GPC1: variants seen among roughly 807,000 people sequenced by gnomAD.
GPC1 encodes glypican 1, also known as glypican-1.
A neutral mutation model predicts 51.5 loss-of-function variants in GPC1; 26 were observed. The observed-to-expected ratio is 0.50, with a 90% confidence interval of 0.37 to 0.70. GPC1 has a LOEUF of 0.70. Ranked by LOEUF, GPC1 falls within the 30% of genes least tolerant of loss-of-function variation. GPC1 has a pLI of 0.00. For missense variants in GPC1, 775 were observed against 800.5 expected, an observed-to-expected ratio of 0.97 and a Z score of 0.38; for synonymous variants, 380 against 348.3, an observed-to-expected ratio of 1.09 and a Z score of -1.01.
At chr2:240,460,232 G>A (rs1490173490) in intron 2 of GPC1, among the ~76,000 whole-genome samples, 1 of 152,096 alleles carries the variant, frequency 6.6e-6, no homozygotes, top group Non-Finnish European at 1.5e-5. Context: ...CTTGGACATC[G>A]ATGCTCAGAG....
intron 2 of GPC1, among the ~76,000 whole-genome samples, chr2:240,459,450 G>C (rs1238562381): frequency 6.6e-6 from 1 of 152,200 alleles, no homozygotes; most frequent in Non-Finnish European, 1.5e-5. Flanking sequence ...GGGACAGAGG[G>C]CCTATCCCAT....
chr2:240,456,007 G>A (rs2074157484), intron 1 of GPC1: 1 of 430,676 alleles, frequency 2.3e-6, no homozygotes. Flanking sequence ...CCAGGCCGGC[G>A]CCCGAGCTCT....
intron 2 of GPC1, 150 bp from the exon 3 acceptor site, chr2:240,462,040 AG>A (rs1218691041): frequency 2.2e-5 from 17 of 757,798 alleles, no homozygotes; most frequent in Non-Finnish European, 3.2e-5. Flanking sequence ...GGATGCCCAC[AG>A]GGCCCACAGC....
intron 1 of GPC1, chr2:240,449,416 AG>A (rs1367408589): frequency 1.3e-5 from 2 of 155,272 alleles, no homozygotes. Flanking sequence ...ATCATTTTGT[AG>A]TGCAGTGTGT....
intron 1 of GPC1, chr2:240,449,859 A>T (rs755345052): frequency 4.3e-6 from 2 of 470,576 alleles, no homozygotes; most frequent in Non-Finnish European, 8.8e-6. Flanking sequence ...AGGTTCCTCC[A>T]CGCCGGAGCA....
chr2:240,442,183 G>A (rs1414998241), intron 1 of GPC1: 1 of 152,580 alleles, frequency 6.6e-6, no homozygotes, highest in Admixed American at 6.5e-5. Flanking sequence ...TTTCCCCACA[G>A]CTTGACTTCC....
chr2:240,466,382 CTGGGG>C lies in GPC1; in HGVS notation c.*97_*101del. 1.3e-6 allele frequency: 1 copy of C among 766,378 alleles called. No homozygotes were observed. 47.5% of individuals were successfully genotyped at this position (766,378 alleles called of 1,614,324 possible). A position where few individuals can be genotyped will look rare whatever the true frequency, so the allele number is the denominator to read the frequency against. Reference sequence around the variant, plus strand: ...TTAATTCACCTCAGCCTGGAGAGGCCTGGGGTGGGACAGGGAGGGCCGGCGGCTCT... The same window carrying C: ...TTAATTCACCTCAGCCTGGAGAGGCCTGGGACAGGGAGGGCCGGCGGCTCT... On this transcript the variant is annotated 3_prime_UTR_variant, in exon 9 of 9. Transcript: ENST00000264039.
chr2:240,439,002 C>T (rs989873098), intron 1 of GPC1, among the ~76,000 whole-genome samples: 26 of 152,326 alleles, frequency 1.7e-4, no homozygotes, highest in African/African-American at 5.8e-4. Flanking sequence ...GAATCACTGC[C>T]CGCGTGCCAG....
chr2:240,446,414 A>G (rs569635537), intron 1 of GPC1, among the ~76,000 whole-genome samples: 2 of 152,370 alleles, frequency 1.3e-5, no homozygotes, highest in East Asian at 1.9e-4. Flanking sequence ...GGATCCACAC[A>G]AGCTGTGCCT....
At chr2:240,440,033 TCCC>T (rs2074008142) in intron 1 of GPC1, among the ~76,000 whole-genome samples, 1 of 152,112 alleles carries the variant, frequency 6.6e-6, no homozygotes, top group Non-Finnish European at 1.5e-5. Flanking sequence ...ATCCCCGGTG[TCCC>T]CGGGCCTTTT....
Position 240,453,300 on chromosome 2 carries a change from C to CCCGCCCCCGCCCT in GPC1, c.167-5723_167-5722insCGCCCTCCGCCCC, listed in dbSNP as rs1325813912. ...CCCTCCCGGGCCGCATCCCGGCGTC[C>CCCGCCCCCGCCCT]CCGCCCCGCTCCCACCGCCCGCCCC... On this transcript the variant is annotated intron_variant, in intron 1 of 8. Coordinates refer to ENST00000264039, the MANE Select transcript of GPC1 (RefSeq NM_002081.3). Among the ~76,000 whole-genome samples the CCCGCCCCCGCCCT allele has an allele frequency of 3.4e-4, 5 of 14,500 alleles. 1 individual carries two copies. Among genetic ancestry groups the CCCGCCCCCGCCCT allele is most frequent in the African/African-American group, 2.0e-3 (3 of 1,518 alleles). The allele number at this position is 14,500 out of a possible 152,430, so 9.5% of individuals were successfully genotyped here. A position where few individuals can be genotyped will look rare whatever the true frequency, so the allele number is the denominator to read the frequency against.
intron 1 of GPC1, chr2:240,450,647 AGCCCCGT>A (rs1178722425): frequency 2.1e-6 from 1 of 470,168 alleles, no homozygotes; most frequent in Middle Eastern, 3.3e-4. Context: ...TGCCCCGTCG[AGCCCCGT>A]GCTTCCTCTG....
intron 2 of GPC1, among the ~76,000 whole-genome samples, chr2:240,460,407 C>T (rs1026876327): frequency 1.3e-5 from 2 of 150,142 alleles, no homozygotes; most frequent in African/African-American, 5.1e-5. Context: ...CGGCTCACCT[C>T]CTCCACTCTA....
intron 1 of GPC1, among the ~76,000 whole-genome samples, chr2:240,442,099 C>G (rs749065326): frequency 3.9e-5 from 6 of 152,216 alleles, no homozygotes; most frequent in Non-Finnish European, 8.8e-5. Context: ...GCTGACCCAC[C>G]TTTCTGGCAC....
chr2:240,465,705 G>A, intron 8 of GPC1, 57 bp downstream of exon 8: 2 of 1,475,066 alleles, frequency 1.4e-6, no homozygotes, highest in South Asian at 1.2e-5. Context: ...GGGTGCCACA[G>A]GGGTGTGACT....
At position 240,466,170 on chromosome 2, in the gene GPC1, A is replaced by G; in HGVS notation, c.1557A>G (p.Pro519=). ...SSRTPLTHAL[P]GLSEQEGQKT... Reference sequence around the variant, plus strand: ...GGACGCCCTTGACCCATGCCCTCCCAGGCCTGTCAGAGCAGGAAGGACAGA... The same window carrying G: ...GGACGCCCTTGACCCATGCCCTCCCGGGCCTGTCAGAGCAGGAAGGACAGA... Residue 519 remains proline, a synonymous_variant, in exon 9 of 9, where the codon CCA becomes CCG. Coordinates refer to ENST00000264039, the MANE Select transcript of GPC1 (RefSeq NM_002081.3). 6.2e-7 allele frequency: 1 copy of G among 1,612,768 alleles called. No individual in the cohort carries two copies. Among genetic ancestry groups the G allele is most frequent in the East Asian group, 2.2e-5 (1 of 44,862 alleles).
At chr2:240,449,648 G>C (rs1257107570) in intron 1 of GPC1, 2 of 333,344 alleles carry the variant, frequency 6.0e-6, no homozygotes, top group Non-Finnish European at 1.2e-5. Flanking sequence ...CCCCCATCCA[G>C]CTCCAGGACC....
At chr2:240,450,480 C>A in intron 1 of GPC1, 1 of 418,940 alleles carries the variant, frequency 2.4e-6, no homozygotes, top group Non-Finnish European at 5.1e-6. Context: ...CTCTATGTGT[C>A]AGCTATGTCA....
chr2:240,458,574 AGTGGGAGCTTGGTGCCCC>A lies in GPC1; in HGVS notation c.167-455_167-438del, dbSNP rs564852557. ...TGTTGGTGGGATCTGCCGTCCTTGC[AGTGGGAGCTTGGTGCCCC>A]CCAGGGCTGGTGTGGGAAGAGAGGG... On this transcript the variant is annotated intron_variant, in intron 1 of 8. Coordinates refer to ENST00000264039, the MANE Select transcript of GPC1 (RefSeq NM_002081.3). The A allele has an allele frequency of 4.4e-4, 77 of 173,304 alleles. No homozygotes were observed. In the East Asian group the frequency reaches 0.012, roughly 26 times the overall value. The allele number at this position is 173,304 out of a possible 1,614,324, so 10.7% of individuals were successfully genotyped here.
Sources: allele counts gnomAD v4.1 joint callset (sites outside exome capture counted in the v4.1 genomes callset), GRCh38; gene constraint gnomAD v4.1.1; transcripts MANE v1.5; gene names NCBI Gene and HGNC (gene_info 2026-07-23, HGNC 2026-07-21).